GPI: variants seen among roughly 807,000 people sequenced by gnomAD.
The protein encoded by GPI is glucose-6-phosphate isomerase.
Under a neutral mutation model 75.8 loss-of-function variants are expected in GPI, and 56 were observed. The observed-to-expected ratio is 0.74, with a 90% CI of 0.60 to 0.92. The LOEUF (loss-of-function observed/expected upper bound fraction) is 0.92, where lower values mean the gene tolerates loss of function less well. Ranked by LOEUF, GPI falls within the 40% of genes least tolerant of loss-of-function variation. The pLI, the probability that GPI is intolerant of heterozygous loss-of-function variation, is 0.00. For missense variants in GPI, 638 were observed against 741.0 expected (o/e 0.86, Z 1.61); for synonymous variants, 288 against 285.4 (o/e 1.01, Z -0.09).
At chr19:34,390,106 T>A (rs1481788684) in intron 9 of GPI, among the ~76,000 whole-genome samples, 1 of 151,830 alleles carries the variant, frequency 6.6e-6, no homozygotes, top group Non-Finnish European at 1.5e-5. Context: ...AGGTTCTGGA[T>A]CTGTCAGTAC....
At chr19:34,394,149 C>G in intron 12 of GPI, 83 bp downstream of exon 12, 3 of 1,024,292 alleles carry the variant, frequency 2.9e-6, no homozygotes, top group Non-Finnish European at 4.5e-6. Context: ...TTCAGCTCCT[C>G]CAGGAGCTCT....
intron 1 of GPI, 98 bp from the exon 2 acceptor site, chr19:34,366,247 C>A: frequency 2.4e-6 from 2 of 837,456 alleles, no homozygotes; most frequent in South Asian, 1.3e-5. Context: ...GGGCGTGGGT[C>A]AGGGAGGATG....
At chr19:34,369,866 A>G (rs1166507174) in intron 4 of GPI, among the ~76,000 whole-genome samples, 1 of 152,186 alleles carries the variant, frequency 6.6e-6, no homozygotes, top group Non-Finnish European at 1.5e-5. Flanking sequence ...TTGAGGCTGC[A>G]GTGAGCCATG....
intron 8 of GPI, chr19:34,381,176 T>C (rs919100615): frequency 8.0e-6 from 4 of 501,430 alleles, no homozygotes; most frequent in African/African-American, 1.9e-5. Context: ...TGCAGAGCAG[T>C]GTGTGGGCCA....
At chr19:34,361,571 T>G (rs2074301687), upstream of GPI, among the ~76,000 whole-genome samples, 1 of 152,146 alleles carries the variant, frequency 6.6e-6, no homozygotes, top group Non-Finnish European at 1.5e-5. Context: ...TTTGGATTAG[T>G]ACTTTCTAAT....
Position 34,365,326 on chromosome 19 carries a change from C to A in GPI, c.60C>A (p.His20Gln). Reference protein sequence around the residue: ...FQKLQQWYREHRSELNLRRLF... With the variant: ...FQKLQQWYREQRSELNLRRLF... Reference sequence around the variant, plus strand: ...AGCTGCAGCAATGGTACCGCGAGCACCGCTCCGAGCTGAACCTGCGCCGCC... The same window carrying A: ...AGCTGCAGCAATGGTACCGCGAGCAACGCTCCGAGCTGAACCTGCGCCGCC... The change falls in exon 1 of 18, where the codon CAC becomes CAA. Residue 20 changes from histidine (H) to glutamine (Q), a missense_variant. Transcript: ENST00000356487. 2 of 1,591,398 alleles carry A rather than the reference C, an allele frequency of 1.3e-6. No homozygotes were observed. Among genetic ancestry groups the A allele is most frequent in the Non-Finnish European group, 1.7e-6 (2 of 1,170,858 alleles).
chr19:34,376,391 A>G (rs902218264), intron 4 of GPI, among the ~76,000 whole-genome samples: 3 of 151,880 alleles, frequency 2.0e-5, no homozygotes, highest in African/African-American at 4.8e-5. Context: ...CCCCATCTCT[A>G]CTGGAAATAC....
chr19:34,382,592 G>C (rs8191393), intron 9 of GPI, among the ~76,000 whole-genome samples: 49,767 of 151,930 alleles, frequency 0.33, 11,469 homozygotes, highest in African/African-American at 0.65. Context: ...ATGTTGCATG[G>C]CTGATAATGG....
At chr19:34,369,403 A>G (rs1027224256) in intron 4 of GPI, among the ~76,000 whole-genome samples, 3 of 151,970 alleles carry the variant, frequency 2.0e-5, no homozygotes, top group Non-Finnish European at 4.4e-5. Context: ...CAGATAAAAC[A>G]TTGTAAAATT....
upstream of GPI, chr19:34,365,193 C>T (rs946761670): frequency 1.5e-6 from 2 of 1,357,556 alleles, no homozygotes; most frequent in African/African-American, 1.5e-5. Flanking sequence ...GCCCACGCGC[C>T]TCGCTTGCTG....
In GPI at chr19:34,393,340, TG is replaced by T; in HGVS notation, c.865+35del. ...GTGTTTCTGTGTCTTGCAGCCCCTG[TG>T]GGAGACAGTGTTGCAGTCTAAGGTC... is the stretch of plus-strand genomic sequence containing the variant. On this transcript the variant is annotated intron_variant, in intron 10 of 17. Transcript: ENST00000356487. The surrounding 1 kb of genome is among the most constrained non-coding windows in gnomAD (Gnocchi z 4.4). 6.4e-7 allele frequency: 1 copy of T among 1,557,492 alleles called. No individual in the cohort carries two copies. Among genetic ancestry groups the T allele is most frequent in the Non-Finnish European group, 8.9e-7 (1 of 1,128,230 alleles).
chr19:34,399,134 TA>T, intron 14 of GPI, 72 bp from the exon 15 acceptor site: 1 of 1,492,842 alleles, frequency 6.7e-7, no homozygotes, highest in Non-Finnish European at 9.1e-7. Flanking sequence ...TGCTGAGAAG[TA>T]CCAGGCGGTC....
At chr19:34,389,089 C>A (rs1045057058) in intron 9 of GPI, among the ~76,000 whole-genome samples, 1 of 151,634 alleles carries the variant, frequency 6.6e-6, no homozygotes, top group African/African-American at 2.4e-5. Context: ...AAGACCCTGT[C>A]TCTTAAAAAA....
chr19:34,390,931 T>C (rs372469629), intron 9 of GPI, among the ~76,000 whole-genome samples: 2,946 of 107,814 alleles, frequency 0.027, 33 homozygotes, highest in South Asian at 0.04. Context: ...TGGGTCTTCC[T>C]GTGTCTGAGG....
chr19:34,392,304 C>G (rs2074865493), intron 9 of GPI: 1 of 308 alleles, frequency 3.2e-3, no homozygotes, highest in Non-Finnish European at 6.0e-3. Context: ...AATTAGGAAT[C>G]TGGTACAGGT....
intron 9 of GPI, among the ~76,000 whole-genome samples, chr19:34,385,163 C>T (rs557284954): frequency 6.6e-5 from 10 of 151,800 alleles, no homozygotes; most frequent in South Asian, 4.2e-4. Flanking sequence ...AACATGGTGA[C>T]GGGGTGAAAC....
chr19:34,366,444 C>T lies in GPI; in HGVS notation c.213+9C>T, dbSNP rs2074366711. ...GGATGCTGGTGGACTTGGTAATGTT[C>T]TGCTTGGGGAGGCATAACTGGTAAC... On this transcript the variant is annotated intron_variant, in intron 2 of 17. Coordinates refer to ENST00000356487, the MANE Select transcript of GPI (RefSeq NM_000175.5). 6.3e-7 allele frequency: 1 copy of T among 1,595,216 alleles called. No individual in the cohort carries two copies. Among genetic ancestry groups the T allele is most frequent in the South Asian group, 1.1e-5 (1 of 90,712 alleles).
Position 34,366,797 on chromosome 19 carries a change from C to T in GPI, c.228C>T (p.Gly76=), listed in dbSNP as rs150838903. The T allele has an allele frequency of 1.1e-5, 18 of 1,612,840 alleles. No homozygotes were observed. Among genetic ancestry groups the T allele is most frequent in the East Asian group, 2.2e-5 (1 of 44,870 alleles). The change falls in exon 3 of 18, where the codon GGC becomes GGT. Residue 76 remains glycine, a synonymous_variant. Coordinates refer to ENST00000356487, the MANE Select transcript of GPI (RefSeq NM_000175.5). ...RMLVDLAKSR[G]VEAARERMFN... is the part of the protein sequence containing the mutation. The stretch of plus-strand genomic sequence containing the variant: ...TCTCTTCCTAGGCCAAGTCCAGGGG[C>T]GTGGAGGCCGCCCGGGAGCGGATGT...
At position 34,400,161 on chromosome 19, in the gene GPI, G is replaced by A. The variant is rs1599861943; in HGVS notation, c.*125G>A. On this transcript the variant is annotated 3_prime_UTR_variant, in exon 18 of 18. Transcript: ENST00000356487. ...CCCTCTGGTTGTGGGCTTGGACCAC[G>A]AGCCCTTAGCAGGGAAGGCTGGTCT... 1.6e-5 allele frequency: 16 copies of A among 1,029,672 alleles called. No homozygotes were observed. Among genetic ancestry groups the A allele is most frequent in the Admixed American group, 8.8e-5 (5 of 56,904 alleles). The allele number at this position is 1,029,672 out of a possible 1,614,324, so 63.8% of individuals were successfully genotyped here.
Sources: gnomAD v4.1 joint callset for allele counts (sites outside exome capture counted in the v4.1 genomes callset) on GRCh38, gnomAD v4.1.1 for gene constraint, Gnocchi (gnomAD v3.1) non-coding constraint, MANE v1.5 for transcripts, NCBI Gene and HGNC (gene_info 2026-07-23, HGNC 2026-07-21) for gene names.